AGBL3: variants seen among roughly 807,000 people sequenced by gnomAD.
AGBL3 encodes AGBL carboxypeptidase 3, also known as cytosolic carboxypeptidase 3.
Under a neutral mutation model 94.5 loss-of-function variants are expected in AGBL3, and 68 were observed. The observed-to-expected ratio is 0.72, with a 90% CI of 0.59 to 0.88. AGBL3 has a LOEUF of 0.88. Among genes scored for constraint, AGBL3 ranks in the 40% least tolerant of loss-of-function variants. The pLI is 0.00. For synonymous variants in AGBL3, 354 were observed against 370.7 expected (o/e 0.95, Z 0.52); for missense variants, 934 against 1,103.8 (o/e 0.85, Z 2.18).
intron 16 of AGBL3, among the ~76,000 whole-genome samples, chr7:135,119,693 C>T (rs1047719708): frequency 1.6e-4 from 25 of 152,022 alleles, no homozygotes; most frequent in Non-Finnish European, 3.2e-4. Context: ...CTGGCTAACA[C>T]GGTGAAACCC....
intron 5 of AGBL3, among the ~76,000 whole-genome samples, chr7:135,022,977 C>T (rs925805134): frequency 3.3e-5 from 5 of 151,950 alleles, no homozygotes. Context: ...ATTTTATCTC[C>T]ACTATTGGCT....
intron 11 of AGBL3, among the ~76,000 whole-genome samples, chr7:135,055,163 C>G (rs1318070497): frequency 1.3e-5 from 2 of 152,180 alleles, no homozygotes; most frequent in African/African-American, 2.4e-5. Context: ...GGACCCACCC[C>G]CATGACCCAA....
At chr7:135,031,567 T>A (rs565859361) in intron 5 of AGBL3, among the ~76,000 whole-genome samples, 28 of 152,222 alleles carry the variant, frequency 1.8e-4, no homozygotes, top group Non-Finnish European at 3.2e-4. Context: ...TGTATTATGT[T>A]CTTTTAAACA....
intron 6 of AGBL3, among the ~76,000 whole-genome samples, chr7:135,033,818 A>G (rs1181015583): frequency 6.6e-6 from 1 of 152,312 alleles, no homozygotes; most frequent in Admixed American, 6.5e-5. Context: ...ACTTTGCTTC[A>G]GTTTTGGTAA....
chr7:135,000,201 T>A (rs182168392), intron 4 of AGBL3, among the ~76,000 whole-genome samples: 1 of 152,370 alleles, frequency 6.6e-6, no homozygotes, highest in East Asian at 1.9e-4. Flanking sequence ...CACGGTTATA[T>A]GTCCTTCAGT....
chr7:135,062,750 T>C (rs1364362584), intron 12 of AGBL3, among the ~76,000 whole-genome samples: 1 of 152,186 alleles, frequency 6.6e-6, no homozygotes, highest in Non-Finnish European at 1.5e-5. Context: ...ATTGTGCTGC[T>C]AGATTTGGTT....
intron 5 of AGBL3, among the ~76,000 whole-genome samples, chr7:135,026,126 A>G (rs988257635): frequency 2.6e-5 from 4 of 151,462 alleles, no homozygotes; most frequent in Non-Finnish European, 5.9e-5. Context: ...CACATGAAAC[A>G]TATTCTAAGA....
intron 15 of AGBL3, among the ~76,000 whole-genome samples, chr7:135,099,188 G>T (rs551906173): frequency 1.3e-4 from 19 of 151,344 alleles, no homozygotes; most frequent in Non-Finnish European, 2.5e-4. Context: ...TCCTAGATTG[G>T]CTCTAAAAAT....
At chr7:135,092,621 C>A (rs1163287895) in intron 15 of AGBL3, 1 of 152,094 alleles carries the variant, frequency 6.6e-6, no homozygotes, top group Non-Finnish European at 1.5e-5. Context: ...GAAACAAATG[C>A]TACTTATTGT....
chr7:135,080,314 G>T lies in AGBL3; in HGVS notation c.2038+54G>T, dbSNP rs1297025426. 6 of 1,472,962 alleles carry T rather than the reference G, an allele frequency of 4.1e-6. No individual in the cohort carries two copies. In the Admixed American group the frequency reaches 1.2e-4, roughly 29 times the overall value. The allele number at this position is 1,472,962 out of a possible 1,614,324, so 91.2% of individuals were successfully genotyped here. ...ACAATTAATTCATTTACTCAACTAAGAATTTTTGGTGCCACAACTTTGAGG... is the reference window on the plus strand; with the variant it reads ...ACAATTAATTCATTTACTCAACTAATAATTTTTGGTGCCACAACTTTGAGG... On this transcript the variant is annotated intron_variant, in intron 14 of 16. Transcript: ENST00000436302.
At chr7:135,093,435 A>T (rs935067418) in intron 15 of AGBL3, 2 of 152,206 alleles carry the variant, frequency 1.3e-5, no homozygotes, top group African/African-American at 4.8e-5. Context: ...AACCTGTTAT[A>T]AAAATCAATT....
intron 11 of AGBL3, among the ~76,000 whole-genome samples, chr7:135,050,845 C>T (rs1817812476): frequency 6.6e-6 from 1 of 151,780 alleles, no homozygotes; most frequent in Non-Finnish European, 1.5e-5. Flanking sequence ...TAGTTGGGTC[C>T]TCTTTTTTTA....
At chr7:135,014,044 A>C (rs1318431404) in intron 4 of AGBL3, among the ~76,000 whole-genome samples, 1 of 151,836 alleles carries the variant, frequency 6.6e-6, no homozygotes, top group African/African-American at 2.4e-5. Flanking sequence ...AAATACAAAA[A>C]AATTAGCTGG....
chr7:135,032,471 AT>A (rs375307379), intron 5 of AGBL3, among the ~76,000 whole-genome samples: 6,150 of 134,278 alleles, frequency 0.046, 279 homozygotes, highest in African/African-American at 0.13. Context: ...CACCTGGCTA[AT>A]TTTTTTTTTT....
intron 15 of AGBL3, among the ~76,000 whole-genome samples, chr7:135,103,232 G>A (rs184609837): frequency 2.0e-4 from 30 of 152,140 alleles, no homozygotes; most frequent in Admixed American, 1.2e-3. Flanking sequence ...TTCTTCTAAT[G>A]CTCTTGGTGG....
At chr7:135,007,689 A>T (rs1812566873) in intron 4 of AGBL3, among the ~76,000 whole-genome samples, 1 of 152,028 alleles carries the variant, frequency 6.6e-6, no homozygotes, top group Non-Finnish European at 1.5e-5. Context: ...AGAGAAGTTT[A>T]AAAAGTCCAG....
At chr7:135,078,179 G>A (rs1820627952) in intron 13 of AGBL3, among the ~76,000 whole-genome samples, 1 of 152,182 alleles carries the variant, frequency 6.6e-6, no homozygotes, top group Non-Finnish European at 1.5e-5. Flanking sequence ...AGTTTGACTG[G>A]ATTAGTCTGA....
Position 135,037,469 on chromosome 7 carries a change from T to G in AGBL3, c.1389T>G (p.Ser463Arg). 6.4e-6 allele frequency: 10 copies of G among 1,550,542 alleles called. No homozygotes were observed. Among genetic ancestry groups the G allele is most frequent in the Non-Finnish European group, 8.7e-6 (10 of 1,146,304 alleles). Residue 463 changes from serine to arginine, a missense_variant, in exon 8 of 17, where the codon AGT (serine) becomes AGG (arginine). Physicochemically the swap from Ser to Arg is moderately radical, Grantham distance 110 (BLOSUM62 -1). This residue lies in a region of AGBL3 where 5 missense variants were observed against 22.1 expected (regional missense o/e 0.23). Transcript: ENST00000436302. ...VILYCDLHGH[S>R]RKENIFMYGC... ...TATACTGTGATCTTCATGGCCATAG[T>G]AGGAAAGAGAACATCTTCATGTATG...
intron 12 of AGBL3, among the ~76,000 whole-genome samples, chr7:135,070,260 G>A (rs1013301112): frequency 2.0e-5 from 3 of 152,140 alleles, no homozygotes; most frequent in African/African-American, 7.2e-5. Flanking sequence ...AAAAGTCCAG[G>A]ACCAGATGGA....
Sources: allele counts gnomAD v4.1 joint callset (sites outside exome capture counted in the v4.1 genomes callset), GRCh38; gene constraint gnomAD v4.1.1; regional missense constraint gnomAD v4.1.1; transcripts MANE v1.5; gene names NCBI Gene and HGNC (gene_info 2026-07-23, HGNC 2026-07-21).